Variants in GPR15LG observed in about 807,000 individuals in gnomAD.
The protein encoded by GPR15LG is protein GPR15LG.
the GPR15LG span, chr10:84,176,333 C>T: frequency 2.9e-6 from 2 of 683,008 alleles, no homozygotes; most frequent in Admixed American, 2.2e-5. Context: ...CACAACAAGG[C>T]CCACTCTTTC....
At chr10:84,174,068 C>T in the GPR15LG span, 3 of 666,658 alleles carry the variant, frequency 4.5e-6, no homozygotes, top group Non-Finnish European at 7.9e-6. Flanking sequence ...TTCTCCTGAA[C>T]CTATAGGTTT....
chr10:84,179,401 C>T, the GPR15LG span, among the ~76,000 whole-genome samples: 5 of 152,312 alleles, frequency 3.3e-5, no homozygotes, highest in African/African-American at 1.2e-4. Flanking sequence ...ACAACCAAAG[C>T]CTGCACGTTC....
At chr10:84,184,988 A>G in the GPR15LG span, 1 of 1,383,512 alleles carries the variant, frequency 7.2e-7, no homozygotes, top group Non-Finnish European at 9.3e-7. Flanking sequence ...CTCACCCCAC[A>G]GGGCCTCAGT....
chr10:84,176,221 G>C, the GPR15LG span, among the ~76,000 whole-genome samples: 1 of 152,174 alleles, frequency 6.6e-6, no homozygotes, highest in Admixed American at 6.5e-5. Context: ...TTGCCAAGGG[G>C]AGAATTATTA....
At chr10:84,175,536 G>T in the GPR15LG span, among the ~76,000 whole-genome samples, 2 of 152,188 alleles carry the variant, frequency 1.3e-5, no homozygotes, top group East Asian at 3.9e-4. Flanking sequence ...GCAAGATCTT[G>T]CTCTCTTGCC....
the GPR15LG span, among the ~76,000 whole-genome samples, chr10:84,181,662 C>A: frequency 6.6e-6 from 1 of 152,164 alleles, no homozygotes; most frequent in Non-Finnish European, 1.5e-5. Context: ...CTCAAGCAAC[C>A]CTCCTGCCTT....
At chr10:84,173,887 CCTGCTTCT>C in the GPR15LG span, 1 of 1,613,894 alleles carries the variant, frequency 6.2e-7, no homozygotes, top group Non-Finnish European at 8.5e-7. Context: ...TGCTCTGTAT[CCTGCTTCT>C]CTGCTTCTCC....
chr10:84,184,570 T>C, the GPR15LG span: 1 of 1,133,850 alleles, frequency 8.8e-7, no homozygotes, highest in Non-Finnish European at 1.3e-6. Flanking sequence ...TTTTTTTAAA[T>C]GTGTTTGAAA....
the GPR15LG span, among the ~76,000 whole-genome samples, chr10:84,178,993 G>A: frequency 5.3e-3 from 812 of 152,300 alleles, 7 homozygotes; most frequent in African/African-American, 0.019. Context: ...CAGAAACTAG[G>A]ATCTTTCCAC....
chr10:84,173,965 C>T, the GPR15LG span: 2 of 1,424,474 alleles, frequency 1.4e-6, no homozygotes, highest in South Asian at 2.3e-5. Context: ...AGGATTTCAG[C>T]ATCTGGGAAG....
chr10:84,181,952 G>A, the GPR15LG span, among the ~76,000 whole-genome samples: 2 of 152,228 alleles, frequency 1.3e-5, no homozygotes, highest in East Asian at 3.8e-4. Context: ...AGACTGGGGA[G>A]GTCCTGTGGG....
At chr10:84,184,227 C>T in the GPR15LG span, among the ~76,000 whole-genome samples, 2 of 151,890 alleles carry the variant, frequency 1.3e-5, no homozygotes, top group African/African-American at 2.4e-5. Flanking sequence ...TGGATGATTC[C>T]TCCCATAAAT....
chr10:84,177,913 G>A, the GPR15LG span, among the ~76,000 whole-genome samples: 6 of 152,154 alleles, frequency 3.9e-5, no homozygotes, highest in South Asian at 1.2e-3. Context: ...AAGTTGAGGG[G>A]GTGTGTGAGC....
the GPR15LG span, among the ~76,000 whole-genome samples, chr10:84,177,637 T>G: frequency 6.6e-6 from 1 of 152,286 alleles, no homozygotes; most frequent in South Asian, 2.1e-4. Context: ...CTCCCGGAGA[T>G]GCTGACAGCC....
At chr10:84,184,793 C>T in the GPR15LG span, 49 of 1,612,816 alleles carry the variant, frequency 3.0e-5, no homozygotes, top group Non-Finnish European at 3.6e-5. Context: ...CTCCAGACAG[C>T]GGAGAACCTC....
At chr10:84,174,899 T>G in the GPR15LG span, among the ~76,000 whole-genome samples, 1 of 152,184 alleles carries the variant, frequency 6.6e-6, no homozygotes, top group Non-Finnish European at 1.5e-5. Flanking sequence ...TTACTCAAAC[T>G]TTTGGGTGGG....
the GPR15LG span, among the ~76,000 whole-genome samples, chr10:84,179,965 G>A: frequency 6.6e-6 from 1 of 152,066 alleles, no homozygotes; most frequent in African/African-American, 2.4e-5. Flanking sequence ...ATAGTGGAGG[G>A]AAGGTCAGCA....
the GPR15LG span, among the ~76,000 whole-genome samples, chr10:84,177,842 C>G: frequency 6.6e-6 from 1 of 152,154 alleles, no homozygotes; most frequent in East Asian, 1.9e-4. Flanking sequence ...GAGGCGAGCC[C>G]CAAGAGCTCA....
the GPR15LG span, among the ~76,000 whole-genome samples, chr10:84,183,160 A>C: frequency 6.6e-6 from 1 of 152,220 alleles, no homozygotes; most frequent in South Asian, 2.1e-4. Context: ...TGTGGGTGGC[A>C]CTTACATCTG....
Sources: allele counts gnomAD v4.1 joint callset (sites outside exome capture counted in the v4.1 genomes callset), GRCh38; gene constraint gnomAD v4.1.1; transcripts MANE v1.5; gene names NCBI Gene and HGNC (gene_info 2026-07-23, HGNC 2026-07-21).